Variants in CADPS2 observed in about 807,000 individuals in gnomAD.
CADPS2 encodes calcium dependent secretion activator 2, also known as calcium-dependent secretion activator 2.
A neutral mutation model predicts 172.5 loss-of-function variants in CADPS2; 93 were observed. The ratio of observed to expected loss-of-function variants is 0.54; its 90% CI spans 0.46 to 0.64. The LOEUF (loss-of-function observed/expected upper bound fraction) is 0.64, where lower values mean the gene tolerates loss of function less well. Ranked by LOEUF, CADPS2 falls within the 30% of genes least tolerant of loss-of-function variation. CADPS2 has a pLI of 0.00. For synonymous variants in CADPS2, 546 were observed against 555.2 expected, an observed-to-expected ratio of 0.98 and a Z score of 0.23; for missense variants, 1,420 against 1,565.9, an observed-to-expected ratio of 0.91 and a Z score of 1.57.
At chr7:122,631,446 A>AT (rs1317677148) in intron 3 of CADPS2, among the ~76,000 whole-genome samples, 18 of 151,928 alleles carry the variant, frequency 1.2e-4, no homozygotes, top group Admixed American at 1.1e-3. Flanking sequence ...ACAACTACAT[A>AT]TTTTTTCTTT....
intron 3 of CADPS2, among the ~76,000 whole-genome samples, chr7:122,659,689 A>G (rs1004232213): frequency 6.6e-6 from 1 of 152,076 alleles, no homozygotes; most frequent in Non-Finnish European, 1.5e-5. Flanking sequence ...AAGCACACAC[A>G]CCCCTAGACA....
intron 2 of CADPS2, among the ~76,000 whole-genome samples, chr7:122,674,455 C>T (rs1023115002): frequency 2.0e-5 from 3 of 152,178 alleles, no homozygotes; most frequent in Admixed American, 1.3e-4. Context: ...TGAGCACCAC[C>T]AACTGCCACT....
At chr7:122,832,516 G>T (rs1584748146) in intron 1 of CADPS2, among the ~76,000 whole-genome samples, 2 of 152,204 alleles carry the variant, frequency 1.3e-5, no homozygotes, top group South Asian at 2.1e-4. Context: ...ATTTCCCTGG[G>T]TCTAGTCTTC....
At chr7:122,736,679 G>C (rs767282580) in intron 2 of CADPS2, among the ~76,000 whole-genome samples, 3 of 152,166 alleles carry the variant, frequency 2.0e-5, no homozygotes, top group Non-Finnish European at 4.4e-5. Context: ...GATAGCTATA[G>C]TCAGCTGTAT....
intron 1 of CADPS2, among the ~76,000 whole-genome samples, chr7:122,764,222 C>G (rs916984098): frequency 6.6e-6 from 1 of 152,072 alleles, no homozygotes; most frequent in Admixed American, 6.6e-5. Context: ...GACCCTCTTA[C>G]GTGTTCCTAC....
At chr7:122,484,438 C>T (rs1403370247) in intron 11 of CADPS2, among the ~76,000 whole-genome samples, 1 of 150,712 alleles carries the variant, frequency 6.6e-6, no homozygotes, top group African/African-American at 2.4e-5. Context: ...GTTAGAACAA[C>T]TGGACATCCA....
At chr7:122,480,737 G>A in intron 12 of CADPS2, 115 bp downstream of exon 12, 2 of 648,260 alleles carry the variant, frequency 3.1e-6, no homozygotes, top group Non-Finnish European at 4.9e-6. Context: ...AATATTCTGG[G>A]TTTGGCTAGA....
At chr7:122,615,787 A>G (rs1056017958) in intron 5 of CADPS2, among the ~76,000 whole-genome samples, 1 of 152,092 alleles carries the variant, frequency 6.6e-6, no homozygotes, top group Admixed American at 6.5e-5. Flanking sequence ...ATATTCACTT[A>G]TTTGAGATTA....
At chr7:122,542,282 A>G (rs1375051643) in intron 8 of CADPS2, among the ~76,000 whole-genome samples, 1 of 152,116 alleles carries the variant, frequency 6.6e-6, no homozygotes, top group African/African-American at 2.4e-5. Flanking sequence ...CTACTATGAT[A>G]TTACACTATC....
intron 28 of CADPS2, chr7:122,328,388 T>C (rs2034314171): frequency 6.6e-6 from 1 of 152,104 alleles, no homozygotes; most frequent in Admixed American, 6.5e-5. Flanking sequence ...TGCAGTAAAG[T>C]CTCCATGTTA....
At chr7:122,344,196 G>A (rs1267258791) in intron 28 of CADPS2, among the ~76,000 whole-genome samples, 1 of 152,180 alleles carries the variant, frequency 6.6e-6, no homozygotes, top group Non-Finnish European at 1.5e-5. Flanking sequence ...TTGCTGTTAC[G>A]AAAACATTTG....
At chr7:122,464,177 G>A (rs1387159292) in intron 14 of CADPS2, among the ~76,000 whole-genome samples, 2 of 152,192 alleles carry the variant, frequency 1.3e-5, no homozygotes, top group Non-Finnish European at 2.9e-5. Context: ...CTTGCAGCAT[G>A]TCAGATTGCC....
intron 25 of CADPS2, among the ~76,000 whole-genome samples, chr7:122,377,931 C>T (rs983942541): frequency 6.6e-6 from 1 of 151,478 alleles, no homozygotes. Context: ...TTGAAAACTA[C>T]AAAAAAAATG....
At chr7:122,777,567 T>C (rs2093923098) in intron 1 of CADPS2, among the ~76,000 whole-genome samples, 1 of 152,166 alleles carries the variant, frequency 6.6e-6, no homozygotes, top group Non-Finnish European at 1.5e-5. Context: ...GTTCTTATAA[T>C]TCCCATGTGT....
At chr7:122,704,498 G>A (rs544293473) in intron 2 of CADPS2, among the ~76,000 whole-genome samples, 1 of 152,068 alleles carries the variant, frequency 6.6e-6, no homozygotes, top group Non-Finnish European at 1.5e-5. Context: ...TTGGAAGTAG[G>A]ATTACAAAAT....
chr7:122,416,177 A>G lies in CADPS2; in HGVS notation c.2477-13T>C. 1 of 1,460,584 alleles carries G rather than the reference A, an allele frequency of 6.8e-7. No homozygotes were observed. The highest frequency in any genetic ancestry group is 9.3e-7 in the Non-Finnish European group (1 of 1,073,506). The allele number at this position is 1,460,584 out of a possible 1,614,324, so 90.5% of individuals were successfully genotyped here. A position where few individuals can be genotyped will look rare whatever the true frequency, so the allele number is the denominator to read the frequency against. On this transcript the variant is annotated splice_polypyrimidine_tract_variant and intron_variant, in intron 17 of 29. Transcript: ENST00000449022. ...TGGTTCATGGTCTCTATATGAAAAA[A>G]AATCATAATCATGTTACCTTGAAAA...
chr7:122,375,549 A>G (rs1157148723), intron 25 of CADPS2, among the ~76,000 whole-genome samples: 1 of 152,128 alleles, frequency 6.6e-6, no homozygotes, highest in Admixed American at 6.6e-5. Context: ...ATAAAAGAAT[A>G]AAAGTTGACC....
chr7:122,705,685 T>C (rs1413437652), intron 2 of CADPS2, among the ~76,000 whole-genome samples: 1 of 85,456 alleles, frequency 1.2e-5, no homozygotes, highest in Non-Finnish European at 2.1e-5. Context: ...ATATAATATA[T>C]CACATATTAT....
chr7:122,505,350 G>A (rs1171614444), intron 9 of CADPS2, among the ~76,000 whole-genome samples: 1 of 152,048 alleles, frequency 6.6e-6, no homozygotes, highest in Non-Finnish European at 1.5e-5. Context: ...CTTTAAATGA[G>A]ACAATTATTT....
Sources: allele counts gnomAD v4.1 joint callset (sites outside exome capture counted in the v4.1 genomes callset), GRCh38; gene constraint gnomAD v4.1.1; transcripts MANE v1.5; gene names NCBI Gene and HGNC (gene_info 2026-07-23, HGNC 2026-07-21).